RYR2: variants seen among roughly 807,000 people sequenced by gnomAD.
The protein encoded by RYR2 is ryanodine receptor 2, also known as cardiac muscle ryanodine receptor-calcium release channel.
In RYR2, 227 loss-of-function variants were observed where a neutral mutation model predicts 601.1. The observed-to-expected ratio is 0.38, with a 90% CI of 0.34 to 0.42. The LOEUF (loss-of-function observed/expected upper bound fraction) is 0.42, where lower values mean the gene tolerates loss of function less well. Ranked by LOEUF, RYR2 falls within the 10% of genes least tolerant of loss-of-function variation. RYR2 has a pLI of 1.00. For missense variants in RYR2, 4,646 were observed against 6,156.5 expected, an observed-to-expected ratio of 0.75 and a Z score of 8.21; for synonymous variants, 2,223 against 2,175.1, an observed-to-expected ratio of 1.02 and a Z score of -0.61.
intron 84 of RYR2, among the ~76,000 whole-genome samples, chr1:237,767,965 T>G (rs1693969528): frequency 6.6e-6 from 1 of 152,174 alleles, no homozygotes; most frequent in Non-Finnish European, 1.5e-5. Context: ...ACCTTTTACC[T>G]GTGCATTATT....
chr1:237,760,361 TAAAA>T (rs34435442), intron 83 of RYR2, among the ~76,000 whole-genome samples: 5 of 100,112 alleles, frequency 5.0e-5, no homozygotes, highest in African/African-American at 1.5e-4. Flanking sequence ...GTCGCTAATT[TAAAA>T]AAAAAAAAAA....
intron 98 of RYR2, among the ~76,000 whole-genome samples, chr1:237,803,166 C>A (rs916697772): frequency 2.0e-5 from 3 of 152,148 alleles, no homozygotes; most frequent in African/African-American, 7.2e-5. Context: ...AACTAAAAAT[C>A]ATTTATTCTT....
intron 66 of RYR2, among the ~76,000 whole-genome samples, chr1:237,704,252 T>C (rs760159616): frequency 4.6e-5 from 7 of 152,126 alleles, no homozygotes; most frequent in Non-Finnish European, 1.0e-4. Flanking sequence ...TCTAGAATGA[T>C]CATCTCTGAG....
chr1:237,769,014 G>A (rs1694066940), intron 84 of RYR2, among the ~76,000 whole-genome samples: 1 of 152,182 alleles, frequency 6.6e-6, no homozygotes, highest in Admixed American at 6.5e-5. Context: ...ATTGTGCAGA[G>A]CATTTTTAGG....
chr1:237,387,999 G>A (rs943446002), intron 9 of RYR2, 88 bp from the exon 10 acceptor site: 2 of 1,225,606 alleles, frequency 1.6e-6, no homozygotes, highest in South Asian at 2.6e-5. Context: ...GTTTCTTTAC[G>A]AAAGTAGAAG....
At position 237,270,567 on chromosome 1, in the gene RYR2, A is replaced by G. The variant is rs371127731; in HGVS notation, c.119A>G (p.Glu40Gly). Residue 40 changes from glutamate (E) to glycine (G), a missense_variant, in exon 2 of 105, where the codon GAA becomes GGA. Glu to Gly is a moderately conservative substitution (Grantham distance 98). This residue lies in a region of RYR2 where 153 missense variants were observed against 203.6 expected (regional missense o/e 0.75). Transcript: ENST00000366574. ...KEQQKLCLAA[E>G]GFGNRLCFLE... ...CAACAGAAGCTATGCTTGGCAGCAG[A>G]AGGATTTGGCAACAGACTTTGTTTC... The G allele has an allele frequency of 6.3e-7, 1 of 1,598,616 alleles. No homozygotes were observed. The highest frequency in any genetic ancestry group is 8.5e-7 in the Non-Finnish European group (1 of 1,172,378).
intron 1 of RYR2, among the ~76,000 whole-genome samples, chr1:237,119,187 G>T (rs1055431108): frequency 6.6e-6 from 1 of 152,176 alleles, no homozygotes; most frequent in Non-Finnish European, 1.5e-5. Context: ...AAGAGACACC[G>T]GGAGGGTGTG....
chr1:237,143,745 A>T (rs544795114), intron 1 of RYR2, among the ~76,000 whole-genome samples: 29 of 152,256 alleles, frequency 1.9e-4, no homozygotes, highest in African/African-American at 6.7e-4. Context: ...AACCTAAAAT[A>T]CATCACCCAA....
chr1:237,520,415 A>G (rs1666975317), intron 24 of RYR2, among the ~76,000 whole-genome samples: 1 of 152,200 alleles, frequency 6.6e-6, no homozygotes, highest in South Asian at 2.1e-4. Context: ...AACTTTCCCC[A>G]TTCAGCATAA....
At chr1:237,145,910 G>A (rs984967580) in intron 1 of RYR2, among the ~76,000 whole-genome samples, 1 of 152,204 alleles carries the variant, frequency 6.6e-6, no homozygotes, top group African/African-American at 2.4e-5. Flanking sequence ...AAAGTTAAAA[G>A]GGTTTTCTCT....
At chr1:237,668,050 A>T (rs962763915) in intron 58 of RYR2, 92 bp downstream of exon 58, 36 of 977,250 alleles carry the variant, frequency 3.7e-5, no homozygotes, top group Non-Finnish European at 5.0e-5. Flanking sequence ...ACAGCTTATT[A>T]TAACTTTTTA....
chr1:237,153,068 G>A (rs1291990334), intron 1 of RYR2, among the ~76,000 whole-genome samples: 1 of 152,202 alleles, frequency 6.6e-6, no homozygotes, highest in Admixed American at 6.5e-5. Context: ...AATCAGATTT[G>A]TGTTTTAAAA....
chr1:237,174,220 T>G (rs1325749567), intron 1 of RYR2, among the ~76,000 whole-genome samples: 1 of 152,210 alleles, frequency 6.6e-6, no homozygotes, highest in African/African-American at 2.4e-5. Flanking sequence ...TATAGTGAGG[T>G]TAGAGGATGG....
At chr1:237,535,645 A>G (rs1245257559) in intron 25 of RYR2, among the ~76,000 whole-genome samples, 2 of 152,130 alleles carry the variant, frequency 1.3e-5, no homozygotes, top group African/African-American at 4.8e-5. Context: ...CAGTATGGAA[A>G]AGGGAAGTTA....
At chr1:237,582,874 C>G (rs1279211412) in intron 29 of RYR2, among the ~76,000 whole-genome samples, 1 of 150,704 alleles carries the variant, frequency 6.6e-6, no homozygotes, top group Non-Finnish European at 1.5e-5. Context: ...TGGGATGAAA[C>G]CTATGAGTGC....
intron 78 of RYR2, 80 bp from the exon 79 acceptor site, chr1:237,733,625 T>C: frequency 1.1e-6 from 1 of 884,542 alleles, no homozygotes; most frequent in Non-Finnish European, 1.9e-6. Flanking sequence ...AGAACAAAGG[T>C]TATTTTAAGC....
chr1:237,620,547 T>G lies in RYR2; in HGVS notation c.5916+3061T>G, dbSNP rs950514360. 7.2e-5 allele frequency among the ~76,000 whole-genome samples: 11 copies of G among 152,098 alleles called. No homozygotes were observed. The South Asian group carries it at 8.3e-4, about 11-fold the overall frequency. On this transcript the variant is annotated intron_variant, in intron 38 of 104. Transcript: ENST00000366574. Reference sequence around the variant, plus strand: ...ATAAAACTCAATCTAACTATATGCTTGCTATGAGAAACTCACTTCAAATAT... The same window carrying G: ...ATAAAACTCAATCTAACTATATGCTGGCTATGAGAAACTCACTTCAAATAT...
chr1:237,756,523 T>C, intron 81 of RYR2, 136 bp downstream of exon 81: 1 of 548,194 alleles, frequency 1.8e-6, no homozygotes, highest in South Asian at 3.1e-5. Flanking sequence ...CAGGTGCCTA[T>C]TCACAAATAC....
intron 8 of RYR2, among the ~76,000 whole-genome samples, chr1:237,379,875 A>G (rs1701309273): frequency 6.6e-6 from 1 of 152,164 alleles, no homozygotes; most frequent in Non-Finnish European, 1.5e-5. Flanking sequence ...TTAAAATTTC[A>G]CTTTCATTTG....
Sources: allele counts gnomAD v4.1 joint callset (sites outside exome capture counted in the v4.1 genomes callset), GRCh38; gene constraint gnomAD v4.1.1; regional missense constraint gnomAD v4.1.1; transcripts MANE v1.5; gene names NCBI Gene and HGNC (gene_info 2026-07-23, HGNC 2026-07-21).